PRH1: variants seen among roughly 807,000 people sequenced by gnomAD.
PRH1 encodes proline rich protein HaeIII subfamily 1.
Under a neutral mutation model 7.9 loss-of-function variants are expected in PRH1, and 7 were observed. That is an observed-to-expected ratio of 0.89 (90% CI 0.50 to 1.67). The LOEUF is 1.67. Among genes scored for constraint, PRH1 ranks in the 40% most tolerant of loss-of-function variants. The pLI is 0.00. For missense variants in PRH1, 109 were observed against 223.6 expected (o/e 0.49, Z 3.27); for synonymous variants, 45 against 80.8 (o/e 0.56, Z 2.38).
chr12:11,010,887 T>C (rs1446065314), intron 1 of PRH1, among the ~76,000 whole-genome samples: 1 of 151,968 alleles, frequency 6.6e-6, no homozygotes, highest in African/African-American at 2.4e-5. Flanking sequence ...TCTTTATTAA[T>C]TTCTCTATTT....
chr12:11,013,972 G>A (rs1941176471), intron 1 of PRH1, among the ~76,000 whole-genome samples: 1 of 152,180 alleles, frequency 6.6e-6, no homozygotes, highest in South Asian at 2.1e-4. Flanking sequence ...CAAGAAATCT[G>A]CCTGCCTAAG....
In PRH1 at chr12:11,036,657, T is replaced by C. The variant is rs190054462; in HGVS notation, c.-126+10363A>G. On this transcript the variant is annotated intron_variant, in intron 1 of 3. Coordinates refer to the PRH1 transcript ENST00000539853. ...AATAATTATTTGCATAAGCAATGTA[T>C]TGTAAAATAAACTACACTTAATTTC... 3.1e-3 allele frequency among the ~76,000 whole-genome samples: 479 copies of C among 152,268 alleles called. 3 individuals are homozygous for C. The highest frequency in any genetic ancestry group is 0.011 in the African/African-American group (459 of 41,580).
chr12:10,988,717 G>T (rs7137343), intron 1 of PRH1, among the ~76,000 whole-genome samples: 46,380 of 151,944 alleles, frequency 0.31, 8,957 homozygotes, highest in East Asian at 0.74. Context: ...AAATAGCCTA[G>T]GTCCACCTCC....
At chr12:10,969,260 C>T (rs1010077675) in intron 2 of PRH1, among the ~76,000 whole-genome samples, 2 of 152,170 alleles carry the variant, frequency 1.3e-5, no homozygotes, top group African/African-American at 4.8e-5. Flanking sequence ...TAGTCTACAA[C>T]ATTGAGCTGC....
chr12:11,149,051 T>C (rs905455920), intron 1 of PRH1, among the ~76,000 whole-genome samples: 4 of 151,612 alleles, frequency 2.6e-5, no homozygotes, highest in African/African-American at 7.3e-5. Context: ...CCATTTCTTC[T>C]AGATTTTCTA....
At chr12:11,128,574 G>T (rs1243053417) in intron 1 of PRH1, among the ~76,000 whole-genome samples, 1 of 152,112 alleles carries the variant, frequency 6.6e-6, no homozygotes, top group Non-Finnish European at 1.5e-5. Flanking sequence ...GTGAAACCCT[G>T]TCTCCACTAA....
chr12:10,907,921 AT>A (rs1345671944), intron 2 of PRH1: 1 of 156,740 alleles, frequency 6.4e-6, no homozygotes, highest in African/African-American at 2.4e-5. Context: ...CAGTATAGTA[AT>A]AGTGGCAAGT....
chr12:10,910,047 A>T (rs563859624), intron 2 of PRH1, among the ~76,000 whole-genome samples: 19 of 152,302 alleles, frequency 1.2e-4, no homozygotes, highest in African/African-American at 4.3e-4. Flanking sequence ...AATTTTACAA[A>T]ATCAGCAACA....
intron 2 of PRH1, among the ~76,000 whole-genome samples, chr12:10,928,335 C>T (rs1052073855): frequency 6.6e-6 from 1 of 152,098 alleles, no homozygotes; most frequent in Non-Finnish European, 1.5e-5. Context: ...ATAAGTATGG[C>T]CACTTAGTTA....
chr12:11,014,507 G>A lies in PRH1; in HGVS notation c.-126+32513C>T, dbSNP rs769896051. Among the ~76,000 whole-genome samples, 123 of 152,072 alleles carry A rather than the reference G, an allele frequency of 8.1e-4. 1 individual carries two copies. Among genetic ancestry groups the A allele is most frequent in the Non-Finnish European group, 1.9e-4 (13 of 67,996 alleles). ...GAGTTCATAAGCCAATAGTTAAAGA[G>A]GCTTCATACTTTGAAAAATACTTAT... is the stretch of plus-strand genomic sequence containing the variant. On this transcript the variant is annotated intron_variant, in intron 1 of 3. Transcript: ENST00000539853.
chr12:11,145,649 A>G (rs1354291841), intron 1 of PRH1, among the ~76,000 whole-genome samples: 1 of 152,264 alleles, frequency 6.6e-6, no homozygotes, highest in Admixed American at 6.5e-5. Context: ...CTCCACATAG[A>G]GCACTTCCTT....
chr12:11,155,471 T>C (rs148599717), intron 1 of PRH1, among the ~76,000 whole-genome samples: 290 of 152,318 alleles, frequency 1.9e-3, no homozygotes, highest in Middle Eastern at 6.8e-3. Context: ...ATGTGACATA[T>C]AGAAAGAAAA....
chr12:10,936,026 C>T lies in PRH1; in HGVS notation c.-59+37629G>A, dbSNP rs569619261. Among the ~76,000 whole-genome samples, 102 of 152,086 alleles carry T rather than the reference C, an allele frequency of 6.7e-4. 1 individual carries two copies. The Middle Eastern group carries it at 0.017, about 25-fold the overall frequency. Reference sequence around the variant, plus strand: ...AATGAAAATGGGGTAATGGAGTAGGCTCTGAAACTGAATTTTCATGGGGCA... The same window carrying T: ...AATGAAAATGGGGTAATGGAGTAGGTTCTGAAACTGAATTTTCATGGGGCA... On this transcript the variant is annotated intron_variant, in intron 2 of 3. Coordinates refer to the PRH1 transcript ENST00000539853.
At chr12:10,912,322 T>C (rs1005530806) in intron 2 of PRH1, among the ~76,000 whole-genome samples, 2 of 152,198 alleles carry the variant, frequency 1.3e-5, no homozygotes, top group Non-Finnish European at 2.9e-5. Context: ...GCCTATTTCT[T>C]CTGGTCTTGT....
chr12:10,938,199 A>C (rs1950321365), intron 2 of PRH1: 2 of 1,197,208 alleles, frequency 1.7e-6, no homozygotes, highest in African/African-American at 1.5e-5. Flanking sequence ...TTAAGGAAGT[A>C]TAAATTTATA....
intron 2 of PRH1, among the ~76,000 whole-genome samples, chr12:10,963,330 A>G (rs1045572507): frequency 1.3e-5 from 2 of 152,232 alleles, no homozygotes; most frequent in Admixed American, 1.3e-4. Flanking sequence ...TAAAACATAT[A>G]TTTAAGTCAT....
chr12:11,089,758 A>C (rs1238543128), intron 1 of PRH1, among the ~76,000 whole-genome samples: 1 of 71,164 alleles, frequency 1.4e-5, no homozygotes, highest in Non-Finnish European at 3.7e-5. Flanking sequence ...AAAAAAATTC[A>C]AATAGACCAA....
chr12:10,919,654 T>G (rs1950018479), intron 2 of PRH1, among the ~76,000 whole-genome samples: 1 of 152,066 alleles, frequency 6.6e-6, no homozygotes, highest in African/African-American at 2.4e-5. Context: ...GGTCTCAATA[T>G]CATTAGTTGA....
Position 11,086,400 on chromosome 12 carries a change from T to C in PRH1, n.124-39212A>G, listed in dbSNP as rs1944698827. On this transcript the variant is annotated intron_variant and non_coding_transcript_variant, in intron 1 of 4. Coordinates refer to the PRH1 transcript ENST00000541977. The stretch of plus-strand genomic sequence containing the variant: ...GAATATTCAGGTTTATTTTTCCCTA[T>C]TTAATTTATTTTTGATTATGAAATG... 5.1e-5 allele frequency among the ~76,000 whole-genome samples: 2 copies of C among 39,010 alleles called. 1 individual carries two copies. 25.6% of individuals were successfully genotyped at this position (39,010 alleles called of 152,430 possible). A position where few individuals can be genotyped will look rare whatever the true frequency, so the allele number is the denominator to read the frequency against.
Sources: gnomAD v4.1 joint callset for allele counts (sites outside exome capture counted in the v4.1 genomes callset) on GRCh38, gnomAD v4.1.1 for gene constraint, MANE v1.5 for transcripts, NCBI Gene and HGNC (gene_info 2026-07-23, HGNC 2026-07-21) for gene names.